KDM4A: variants seen among roughly 807,000 people sequenced by gnomAD.
KDM4A encodes lysine demethylase 4A.
Under a neutral mutation model 127.1 loss-of-function variants are expected in KDM4A, and 23 were observed. That is an observed-to-expected ratio of 0.18 (90% confidence interval 0.13 to 0.26). KDM4A has a LOEUF of 0.26. Ranked by LOEUF, KDM4A falls within the 10% of genes least tolerant of loss-of-function variation. KDM4A has a pLI of 1.00. For synonymous variants in KDM4A, 443 were observed against 466.5 expected, an observed-to-expected ratio of 0.95 and a Z score of 0.65; for missense variants, 890 against 1,329.1, an observed-to-expected ratio of 0.67 and a Z score of 5.14.
chr1:43,662,905 G>C lies in KDM4A; in HGVS notation c.441G>C (p.Glu147Asp). Residue 147 changes from glutamate to aspartate, a missense_variant, in exon 5 of 22, where the codon GAG (glutamate) becomes GAC (aspartate). By Grantham distance (45) the Glu-to-Asp change is conservative (BLOSUM62 2). Around this residue, in one of 7 missense-constraint regions of KDM4A, gnomAD observed 141 missense variants for 273.5 expected, o/e 0.52. Coordinates refer to ENST00000372396, the MANE Select transcript of KDM4A (RefSeq NM_014663.3). Reference protein sequence around the residue: ...NGTLYEKHVDEWNIGRLRTIL... With the variant: ...NGTLYEKHVDDWNIGRLRTIL... ...CATTGCCTTTGCAGCATGTTGATGA[G>C]TGGAATATTGGCCGGCTGAGAACAA... The C allele has an allele frequency of 6.2e-7, 1 of 1,612,292 alleles. No homozygotes were observed. The highest frequency in any genetic ancestry group is 1.1e-5 in the South Asian group (1 of 90,814).
In KDM4A at chr1:43,694,941, C is replaced by T. The variant is rs754127270; in HGVS notation, c.2670+47C>T. ...GAATCCTCTTGACAGTTTTCATGGTCATTTTCTCTGCATGTTTTCCATTTG... is the reference window on the plus strand; with the variant it reads ...GAATCCTCTTGACAGTTTTCATGGTTATTTTCTCTGCATGTTTTCCATTTG... On this transcript the variant is annotated intron_variant, in intron 18 of 21. Transcript: ENST00000372396. This position sits in a 1 kb window ranked among gnomAD's most constrained non-coding sequence, Gnocchi z 5.2. 2.0e-6 allele frequency: 3 copies of T among 1,508,868 alleles called. No homozygotes were observed. Among genetic ancestry groups the T allele is most frequent in the Non-Finnish European group, 2.7e-6 (3 of 1,105,936 alleles). The allele number at this position is 1,508,868 out of a possible 1,614,324, so 93.5% of individuals were successfully genotyped here.
intron 12 of KDM4A, among the ~76,000 whole-genome samples, chr1:43,685,230 CAG>C (rs1660945605): frequency 6.6e-6 from 1 of 152,110 alleles, no homozygotes; most frequent in Non-Finnish European, 1.5e-5. Flanking sequence ...CACTGAAGCT[CAG>C]GGTGTGTTGA....
At chr1:43,681,106 C>T (rs1300690669) in intron 11 of KDM4A, among the ~76,000 whole-genome samples, 1 of 152,152 alleles carries the variant, frequency 6.6e-6, no homozygotes, top group Non-Finnish European at 1.5e-5. Context: ...GTATTCACTC[C>T]TTAGTTTCTT....
Position 43,671,820 on chromosome 1 carries a change from G to C in KDM4A, c.1679G>C (p.Cys560Ser). The C allele has an allele frequency of 6.3e-7, 1 of 1,595,136 alleles. No individual in the cohort carries two copies. Among genetic ancestry groups the C allele is most frequent in the Non-Finnish European group, 8.5e-7 (1 of 1,171,122 alleles). Reference protein sequence around the residue: ...GDGRVTVGEPCTRKKGSAARS... With the variant: ...GDGRVTVGEPSTRKKGSAARS... Reference sequence around the variant, plus strand: ...GGCAGGGTCACTGTGGGAGAGCCATGCACGAGGAAGAAAGGAAGCGCCGCT... The same window carrying C: ...GGCAGGGTCACTGTGGGAGAGCCATCCACGAGGAAGAAAGGAAGCGCCGCT... Residue 560 changes from cysteine (C) to serine (S), a missense_variant, in exon 11 of 22, where the codon TGC (cysteine) becomes TCC (serine). This residue lies in a region of KDM4A where 389 missense variants were observed against 485.9 expected (regional missense o/e 0.80). Transcript: ENST00000372396.
At position 43,704,325 on chromosome 1, in the gene KDM4A, G is replaced by A; in HGVS notation, c.3150G>A (p.Arg1050=). The change falls in exon 22 of 22, where the codon CGG becomes CGA. Residue 1050 remains arginine (R), a synonymous_variant. Coordinates refer to ENST00000372396, the MANE Select transcript of KDM4A (RefSeq NM_014663.3). The part of the protein sequence containing the change: ...KRQRVINSRY[R]EDYIEPALYR... ...AACGAGTTATCAACTCAAGATACCG[G>A]GAAGATTATATTGAGCCTGCACTAT... is the stretch of plus-strand genomic sequence containing the variant. 1 of 1,613,984 alleles carries A rather than the reference G, an allele frequency of 6.2e-7. No homozygotes were observed.
chr1:43,667,626 A>T, intron 8 of KDM4A, 146 bp from the exon 9 acceptor site: 1 of 1,004,956 alleles, frequency 1.0e-6, no homozygotes, highest in African/African-American at 1.6e-5. Context: ...CTGCAAGGAT[A>T]ACATGCCCTC....
At chr1:43,677,142 C>G (rs1194676275) in intron 11 of KDM4A, among the ~76,000 whole-genome samples, 1 of 152,008 alleles carries the variant, frequency 6.6e-6, no homozygotes. Context: ...GTCAGGAGTG[C>G]GAGACCAGCC....
intron 9 of KDM4A, 57 bp from the exon 10 acceptor site, chr1:43,669,043 G>A (rs570753537): frequency 6.3e-7 from 1 of 1,577,476 alleles, no homozygotes; most frequent in East Asian, 2.2e-5. Flanking sequence ...GTATGAATGT[G>A]TTTGAGTAAG....
intron 2 of KDM4A, chr1:43,653,544 A>G: frequency 2.7e-6 from 1 of 365,880 alleles, no homozygotes; most frequent in Non-Finnish European, 5.0e-6. Context: ...GTAAAGAGCT[A>G]GTGTCTCCAG....
chr1:43,651,669 G>A lies in KDM4A; in HGVS notation c.-40+1417G>A, dbSNP rs544688139. Among the ~76,000 whole-genome samples, 18 of 152,324 alleles carry A rather than the reference G, an allele frequency of 1.2e-4. No individual in the cohort carries two copies. The East Asian group carries it at 2.1e-3, about 18-fold the overall frequency. On this transcript the variant is annotated intron_variant, in intron 1 of 21. Transcript: ENST00000372396. ...GGTACGGAACTGCTGGACCCTCAGT[G>A]AGGAGGGTGGGTAAAGGAAAGGACA...
At chr1:43,671,477 C>T in intron 10 of KDM4A, 28 bp from the exon 11 acceptor site, 9 of 1,506,474 alleles carry the variant, frequency 6.0e-6, no homozygotes, top group Non-Finnish European at 7.1e-6. Flanking sequence ...AGGAACTTGG[C>T]TCTGTCTAAT....
intron 3 of KDM4A, among the ~76,000 whole-genome samples, chr1:43,659,511 G>T (rs1040095274): frequency 6.6e-6 from 1 of 152,016 alleles, no homozygotes; most frequent in South Asian, 2.1e-4. Flanking sequence ...TAGAGACCAG[G>T]TTTCACCATG....
intron 16 of KDM4A, among the ~76,000 whole-genome samples, chr1:43,692,794 C>T (rs1661148310): frequency 6.6e-6 from 1 of 152,146 alleles, no homozygotes; most frequent in African/African-American, 2.4e-5. Flanking sequence ...CACTATGGAA[C>T]CGAATCTGCT....
At chr1:43,699,417 G>T (rs745340975) in intron 19 of KDM4A, among the ~76,000 whole-genome samples, 1 of 152,114 alleles carries the variant, frequency 6.6e-6, no homozygotes, top group Non-Finnish European at 1.5e-5. Context: ...AATTTATTAA[G>T]CTGGTACAGT....
At position 43,672,313 on chromosome 1, in the gene KDM4A, C is replaced by T. The variant is rs569482488; in HGVS notation, c.1734+438C>T. ...AAGCAGTTCTCCTGCCTCAGCCTCT[C>T]GAGTAGCTGGTATTACAGGTGTGTG... On this transcript the variant is annotated intron_variant, in intron 11 of 21. Transcript: ENST00000372396. Among the ~76,000 whole-genome samples the T allele has an allele frequency of 8.6e-5, 13 of 151,892 alleles. No homozygotes were observed. In the South Asian group the frequency reaches 1.2e-3, roughly 15 times the overall value.
In KDM4A at chr1:43,694,634, AT is replaced by A; in HGVS notation, c.2485-72del. 1 of 1,352,358 alleles carries A rather than the reference AT, an allele frequency of 7.4e-7. No individual in the cohort carries two copies. The highest frequency in any genetic ancestry group is 2.3e-5 in the East Asian group (1 of 42,942). The allele number at this position is 1,352,358 out of a possible 1,614,324, so 83.8% of individuals were successfully genotyped here. On this transcript the variant is annotated intron_variant, in intron 17 of 21. Transcript: ENST00000372396. This position sits in a 1 kb window ranked among gnomAD's most constrained non-coding sequence, Gnocchi z 5.2. ...CTGGCTCTTGCTTGCTTGGCTTTGC[AT>A]TTGGGAGGGGAACAACAGAGGAAGC...
chr1:43,672,855 T>A (rs1023250526), intron 11 of KDM4A, among the ~76,000 whole-genome samples: 2 of 152,114 alleles, frequency 1.3e-5, no homozygotes, highest in African/African-American at 4.8e-5. Flanking sequence ...GGCACCAGGG[T>A]TAGAATGGCT....
chr1:43,704,999 G>A lies in KDM4A; in HGVS notation c.*629G>A, dbSNP rs1661517487. The A allele has an allele frequency of 1.3e-5, 2 of 153,128 alleles. No individual in the cohort carries two copies. The allele number at this position is 153,128 out of a possible 1,614,324, so 9.5% of individuals were successfully genotyped here. ...ACAGTGCTGGCAAAGCTGCAGTATT[G>A]AGATGCTAAGGAGCTGATGCCACCT... On this transcript the variant is annotated 3_prime_UTR_variant, in exon 22 of 22. Transcript: ENST00000372396.
chr1:43,665,734 G>A lies in KDM4A; in HGVS notation c.662G>A (p.Arg221His), dbSNP rs1418933537. 17 of 1,613,932 alleles carry A rather than the reference G, an allele frequency of 1.1e-5. No individual in the cohort carries two copies. Among genetic ancestry groups the A allele is most frequent in the Admixed American group, 5.0e-5 (3 of 59,994 alleles). The change falls in exon 6 of 22, where the codon CGC becomes CAC. Residue 221 changes from arginine (R) to histidine (H), a missense_variant. Arg to His is a conservative substitution (Grantham distance 29). Around this residue, in one of 7 missense-constraint regions of KDM4A, gnomAD observed 141 missense variants for 273.5 expected, o/e 0.52. Coordinates refer to ENST00000372396, the MANE Select transcript of KDM4A (RefSeq NM_014663.3). ...CCTGAGCATGGAAAGCGGTTGGAAC[G>A]CCTCGCCAAAGGTACTGTGTCTCTT... The part of the protein sequence containing the change: ...VPPEHGKRLE[R>H]LAKGFFPGSA...
Sources: allele counts gnomAD v4.1 joint callset (sites outside exome capture counted in the v4.1 genomes callset), GRCh38; gene constraint gnomAD v4.1.1; regional missense constraint gnomAD v4.1.1; non-coding constraint Gnocchi (gnomAD v3.1); transcripts MANE v1.5; gene names NCBI Gene and HGNC (gene_info 2026-07-23, HGNC 2026-07-21).